Variants in IGSF11 observed in about 807,000 individuals in gnomAD.
IGSF11 encodes the protein CXADR like 1.
IGSF11 carries 22 observed loss-of-function variants against 41.0 expected under a neutral mutation model. The ratio of observed to expected loss-of-function variants is 0.54; its 90% CI spans 0.38 to 0.77. IGSF11 has a LOEUF of 0.77. Among genes scored for constraint, IGSF11 ranks in the 30% least tolerant of loss-of-function variants. The pLI is 0.00. For synonymous variants in IGSF11, 219 were observed against 201.3 expected (o/e 1.09, Z -0.74); for missense variants, 444 against 530.8 (o/e 0.84, Z 1.61).
chr3:119,028,007 A>T (rs1939988480), intron 1 of IGSF11, among the ~76,000 whole-genome samples: 1 of 152,138 alleles, frequency 6.6e-6, no homozygotes, highest in Non-Finnish European at 1.5e-5. Context: ...CTGGCTAATG[A>T]TCTTGACCCA....
intron 1 of IGSF11, among the ~76,000 whole-genome samples, chr3:118,932,367 T>C (rs1043551838): frequency 1.3e-4 from 20 of 152,232 alleles, no homozygotes; most frequent in Non-Finnish European, 7.3e-5. Flanking sequence ...CATACTGTTA[T>C]GATTACAATT....
At chr3:118,934,173 C>A (rs1943072020) in intron 1 of IGSF11, among the ~76,000 whole-genome samples, 1 of 152,166 alleles carries the variant, frequency 6.6e-6, no homozygotes, top group South Asian at 2.1e-4. Context: ...TCTATTCCTG[C>A]TCCATAGTCT....
chr3:119,020,120 A>G (rs1340179097), intron 1 of IGSF11, among the ~76,000 whole-genome samples: 1 of 152,208 alleles, frequency 6.6e-6, no homozygotes, highest in Non-Finnish European at 1.5e-5. Context: ...ACTGTGAGAA[A>G]TAAATTTCTG....
intron 1 of IGSF11, among the ~76,000 whole-genome samples, chr3:119,058,854 C>A (rs1941952082): frequency 6.6e-6 from 1 of 152,108 alleles, no homozygotes; most frequent in Admixed American, 6.5e-5. Context: ...AACCATCATT[C>A]TCAGCAAACT....
At chr3:119,087,793 T>A (rs952059457) in intron 1 of IGSF11, among the ~76,000 whole-genome samples, 4 of 152,044 alleles carry the variant, frequency 2.6e-5, no homozygotes, top group Non-Finnish European at 4.4e-5. Context: ...AAATTTTTTT[T>A]AATAATAAAT....
chr3:118,957,893 AC>A (rs1207522215), intron 1 of IGSF11, among the ~76,000 whole-genome samples: 1 of 152,182 alleles, frequency 6.6e-6, no homozygotes, highest in Non-Finnish European at 1.5e-5. Context: ...AAGGACATCA[AC>A]CCACAAACTT....
intron 1 of IGSF11, among the ~76,000 whole-genome samples, chr3:119,052,839 A>G (rs1304965869): frequency 6.6e-6 from 1 of 152,208 alleles, no homozygotes; most frequent in Non-Finnish European, 1.5e-5. Flanking sequence ...GGTTGGTTTA[A>G]CATACTCAAG....
At chr3:118,919,003 T>C (rs1941465891) in intron 4 of IGSF11, among the ~76,000 whole-genome samples, 2 of 123,606 alleles carry the variant, frequency 1.6e-5, no homozygotes, top group Non-Finnish European at 3.1e-5. Context: ...AAACAAGCAA[T>C]GGGGAAAGGA....
At chr3:119,053,673 A>G (rs1172173549) in intron 1 of IGSF11, among the ~76,000 whole-genome samples, 1 of 152,156 alleles carries the variant, frequency 6.6e-6, no homozygotes, top group Non-Finnish European at 1.5e-5. Context: ...TAATCCTAAA[A>G]TTTGTATGGA....
chr3:119,081,230 TCTC>T (rs1559856314), intron 1 of IGSF11, among the ~76,000 whole-genome samples: 1 of 152,136 alleles, frequency 6.6e-6, no homozygotes, highest in Admixed American at 6.6e-5. Context: ...TCATTTTTAT[TCTC>T]CTATTTCTGT....
chr3:118,992,388 T>A (rs1267093979), intron 1 of IGSF11, among the ~76,000 whole-genome samples: 1 of 152,228 alleles, frequency 6.6e-6, no homozygotes, highest in Non-Finnish European at 1.5e-5. Flanking sequence ...TAGTCCAAGA[T>A]TTCAGCACAT....
chr3:119,110,932 G>A (rs924153966), intron 1 of IGSF11, among the ~76,000 whole-genome samples: 2 of 151,740 alleles, frequency 1.3e-5, no homozygotes, highest in African/African-American at 4.8e-5. Flanking sequence ...ACTCTCTTCT[G>A]GCTTGTAGAG....
chr3:119,042,781 G>A (rs1386042563), intron 1 of IGSF11, among the ~76,000 whole-genome samples: 1 of 152,134 alleles, frequency 6.6e-6, no homozygotes, highest in African/African-American at 2.4e-5. Flanking sequence ...CAAATGTAGG[G>A]CAAGATTATA....
chr3:119,137,005 C>A, intron 1 of IGSF11, among the ~76,000 whole-genome samples: 1 of 151,776 alleles, frequency 6.6e-6, no homozygotes, highest in East Asian at 1.9e-4. Flanking sequence ...AATTATGTGC[C>A]TAGGAATTAA....
chr3:119,050,626 C>T (rs1941581654), intron 1 of IGSF11, among the ~76,000 whole-genome samples: 1 of 152,140 alleles, frequency 6.6e-6, no homozygotes, highest in East Asian at 1.9e-4. Context: ...TACCATTTGA[C>T]CCAGCCATCC....
At chr3:119,003,080 C>A in intron 1 of IGSF11, among the ~76,000 whole-genome samples, 1 of 110,658 alleles carries the variant, frequency 9.0e-6, no homozygotes. Flanking sequence ...GCCATTTTCA[C>A]GATATTGATT....
chr3:118,987,634 C>A (rs542007013), intron 1 of IGSF11, among the ~76,000 whole-genome samples: 10 of 152,244 alleles, frequency 6.6e-5, no homozygotes, highest in Middle Eastern at 6.8e-3. Flanking sequence ...GGCAAAGAGC[C>A]CAACATCAGC....
At chr3:118,990,825 A>G (rs1935724880) in intron 1 of IGSF11, among the ~76,000 whole-genome samples, 1 of 152,192 alleles carries the variant, frequency 6.6e-6, no homozygotes, top group Admixed American at 6.5e-5. Context: ...TTCAACCCAG[A>G]GAAATCCTGT....
upstream of IGSF11, among the ~76,000 whole-genome samples, chr3:119,107,519 T>G (rs895887506): frequency 1.2e-4 from 19 of 152,136 alleles, no homozygotes; most frequent in African/African-American, 9.7e-5. Context: ...TGCGAAAATT[T>G]TCTCCCATTC....
Sources: allele counts gnomAD v4.1 joint callset (sites outside exome capture counted in the v4.1 genomes callset), GRCh38; gene constraint gnomAD v4.1.1; transcripts MANE v1.5; gene names NCBI Gene and HGNC (gene_info 2026-07-23, HGNC 2026-07-21).